Variants in RANBP17 observed in about 807,000 individuals in gnomAD.
The protein encoded by RANBP17 is ran-binding protein 17.
A neutral mutation model predicts 141.2 loss-of-function variants in RANBP17; 158 were observed. That is an observed-to-expected ratio of 1.12 (90% confidence interval 0.98 to 1.28). The LOEUF is 1.28. Ranked by LOEUF, RANBP17 falls within the 50% of genes most tolerant of loss-of-function variation. The pLI is 0.00. For synonymous variants in RANBP17, 430 were observed against 450.0 expected (o/e 0.96, Z 0.56); for missense variants, 1,438 against 1,290.7 (o/e 1.11, Z -1.75).
intron 13 of RANBP17, among the ~76,000 whole-genome samples, chr5:170,959,113 A>G (rs533636445): frequency 6.6e-6 from 1 of 152,314 alleles, no homozygotes; most frequent in South Asian, 2.1e-4. Flanking sequence ...ATTGAGTGCT[A>G]GCTTCTTTCA....
chr5:171,129,117 CTTAAAGG>C (rs1350538298), intron 14 of RANBP17, among the ~76,000 whole-genome samples: 1 of 152,088 alleles, frequency 6.6e-6, no homozygotes, highest in African/African-American at 2.4e-5. Flanking sequence ...TGCCTGGTGT[CTTAAAGG>C]TTTTTAAAAT....
intron 14 of RANBP17, among the ~76,000 whole-genome samples, chr5:171,058,847 T>A (rs1252537385): frequency 6.7e-6 from 1 of 149,378 alleles, no homozygotes; most frequent in East Asian, 2.0e-4. Flanking sequence ...TTTTAATGAT[T>A]GCCATTCTAA....
At chr5:170,921,151 A>G (rs1349558605) in intron 11 of RANBP17, among the ~76,000 whole-genome samples, 1 of 152,146 alleles carries the variant, frequency 6.6e-6, no homozygotes, top group East Asian at 1.9e-4. Context: ...TGTTTTAGTC[A>G]TGAAGTCCTT....
Position 170,870,761 on chromosome 5 carries a change from A to G in RANBP17, c.19-7336A>G, listed in dbSNP as rs541390090. 3.9e-5 allele frequency among the ~76,000 whole-genome samples: 6 copies of G among 152,238 alleles called. No individual in the cohort carries two copies. The South Asian group carries it at 8.3e-4, about 21-fold the overall frequency. ...AGTAATGAGATTGCTTTGTCAAATGATATTTCTGGTTCTAGGTCCTTGAGG... is the reference window on the plus strand; with the variant it reads ...AGTAATGAGATTGCTTTGTCAAATGGTATTTCTGGTTCTAGGTCCTTGAGG... On this transcript the variant is annotated intron_variant, in intron 1 of 27. Transcript: ENST00000523189.
chr5:170,933,303 T>C (rs184181743), intron 12 of RANBP17, among the ~76,000 whole-genome samples: 576 of 152,286 alleles, frequency 3.8e-3, no homozygotes, highest in Non-Finnish European at 5.8e-3. Flanking sequence ...CCTCTCTCTT[T>C]TCTTCTTTAT....
chr5:171,197,774 C>T (rs1484199911), intron 18 of RANBP17, among the ~76,000 whole-genome samples: 1 of 152,146 alleles, frequency 6.6e-6, no homozygotes, highest in African/African-American at 2.4e-5. Context: ...CGCTGTGGCT[C>T]ACATCTGTAA....
intron 14 of RANBP17, among the ~76,000 whole-genome samples, chr5:171,026,515 C>G: frequency 6.6e-6 from 1 of 152,140 alleles, no homozygotes; most frequent in East Asian, 1.9e-4. Flanking sequence ...ATTCCTTTAA[C>G]AGAAGAGTTT....
chr5:170,918,932 G>C (rs573254792), intron 10 of RANBP17, 73 bp downstream of exon 10: 1 of 919,954 alleles, frequency 1.1e-6, no homozygotes, highest in Non-Finnish European at 1.5e-6. Context: ...GTTGGTGGGG[G>C]TATTTGAAAA....
intron 14 of RANBP17, among the ~76,000 whole-genome samples, chr5:170,968,933 T>G (rs1221483504): frequency 6.6e-6 from 1 of 151,842 alleles, no homozygotes; most frequent in Non-Finnish European, 1.5e-5. Flanking sequence ...TAAGGGCATT[T>G]ATGTGAAACC....
intron 22 of RANBP17, among the ~76,000 whole-genome samples, chr5:171,232,100 A>G (rs777099932): frequency 2.0e-5 from 3 of 152,234 alleles, no homozygotes; most frequent in Non-Finnish European, 2.9e-5. Flanking sequence ...TTAGACTTCT[A>G]TATATGTGGC....
At chr5:171,125,928 C>G (rs758129542) in intron 14 of RANBP17, among the ~76,000 whole-genome samples, 2 of 151,978 alleles carry the variant, frequency 1.3e-5, no homozygotes, top group Non-Finnish European at 2.9e-5. Flanking sequence ...GCTAGGGTTA[C>G]AGGCGCGCAC....
intron 1 of RANBP17, among the ~76,000 whole-genome samples, chr5:170,876,223 C>A (rs1768166292): frequency 6.6e-6 from 1 of 151,692 alleles, no homozygotes; most frequent in African/African-American, 2.4e-5. Flanking sequence ...AATGTACCAC[C>A]TTGCTCTTCC....
At chr5:171,070,130 T>G (rs559458878) in intron 14 of RANBP17, among the ~76,000 whole-genome samples, 9 of 152,314 alleles carry the variant, frequency 5.9e-5, no homozygotes, top group African/African-American at 2.2e-4. Context: ...TAGGTCAGAC[T>G]AAGCAAGTTC....
intron 14 of RANBP17, among the ~76,000 whole-genome samples, chr5:171,050,387 C>A (rs970525818): frequency 2.0e-5 from 3 of 152,166 alleles, no homozygotes; most frequent in African/African-American, 7.2e-5. Context: ...TAACATATTA[C>A]ATACATTGAA....
At chr5:171,165,088 G>A (rs984214743) in intron 14 of RANBP17, among the ~76,000 whole-genome samples, 1 of 152,206 alleles carries the variant, frequency 6.6e-6, no homozygotes, top group Admixed American at 6.5e-5. Flanking sequence ...AGGTTGTACA[G>A]GGAAACAGCA....
chr5:171,264,686 TC>T (rs1766549790), intron 24 of RANBP17, among the ~76,000 whole-genome samples: 2 of 152,246 alleles, frequency 1.3e-5, no homozygotes, highest in African/African-American at 2.4e-5. Context: ...CATTTTCTTC[TC>T]ATTCAACTCT....
rs531695116 is a variant in RANBP17, at chr5:171,035,744, T to G, written c.1710+67367T>G. ...CTGTTTGTTTCTTTTTTTGTTTTTT[T>G]TTTTTTTTTTTTAAGTAATTTCAAC... On this transcript the variant is annotated intron_variant, in intron 14 of 27. Transcript: ENST00000523189. 1.3e-3 allele frequency among the ~76,000 whole-genome samples: 190 copies of G among 150,206 alleles called. 4 individuals are homozygous for G. The East Asian group carries it at 0.018, about 14-fold the overall frequency.
Position 170,942,368 on chromosome 5 carries a change from C to T in RANBP17, c.1469-11229C>T, listed in dbSNP as rs376967767. Among the ~76,000 whole-genome samples, 64 of 152,122 alleles carry T rather than the reference C, an allele frequency of 4.2e-4. 1 individual carries two copies. The South Asian group carries it at 0.013, about 30-fold the overall frequency. ...AAAAAGTGGAAACAGCTCAGATGCT[C>T]ATCAATATGAAGATGAATAAATAGA... On this transcript the variant is annotated intron_variant, in intron 12 of 27. Transcript: ENST00000523189.
rs999163502 is a variant in RANBP17, at chr5:170,862,041, T to C, written c.8T>C (p.Leu3Pro). Reference sequence around the variant, plus strand: ...GCGCCGCCTCCTGGGAAGATGGCGCTGCACTTCCAGGTCAGTGTGCTCTGC... The same window carrying C: ...GCGCCGCCTCCTGGGAAGATGGCGCCGCACTTCCAGGTCAGTGTGCTCTGC... Reference protein sequence around the residue: MALHFQSLAELEV... With the variant: MAPHFQSLAELEV... Residue 3 changes from leucine (L) to proline (P), a missense_variant, in exon 1 of 28, where the codon CTG becomes CCG. Leu to Pro is a moderately conservative substitution (Grantham distance 98, BLOSUM62 -3). Transcript: ENST00000523189. 8.9e-6 allele frequency: 13 copies of C among 1,463,446 alleles called. No individual in the cohort carries two copies. The highest frequency in any genetic ancestry group is 2.5e-5 in the Admixed American group (1 of 39,644). 90.7% of individuals were successfully genotyped at this position (1,463,446 alleles called of 1,614,324 possible). A position where few individuals can be genotyped will look rare whatever the true frequency, so the allele number is the denominator to read the frequency against.
Sources: gnomAD v4.1 joint callset for allele counts (sites outside exome capture counted in the v4.1 genomes callset) on GRCh38, gnomAD v4.1.1 for gene constraint, MANE v1.5 for transcripts, NCBI Gene and HGNC (gene_info 2026-07-23, HGNC 2026-07-21) for gene names.